The following DCLK2 variants were observed in gnomAD, a reference collection of about 807,000 sequenced individuals.
The protein encoded by DCLK2 is serine/threonine-protein kinase DCLK2.
In DCLK2, 31 loss-of-function variants were observed where a neutral mutation model predicts 78.4. The ratio of observed to expected loss-of-function variants is 0.40; its 90% CI spans 0.30 to 0.53. The LOEUF (loss-of-function observed/expected upper bound fraction) is 0.53. DCLK2 is among the 20% of genes least tolerant of loss of function. DCLK2 has a pLI of 0.61. For missense variants in DCLK2, 872 were observed against 973.7 expected (o/e 0.90, Z 1.39); for synonymous variants, 407 against 374.9 (o/e 1.09, Z -0.99).
At chr4:150,098,698 CT>C (rs59616581) in intron 1 of DCLK2, among the ~76,000 whole-genome samples, 40,545 of 128,728 alleles carry the variant, frequency 0.31, 5,554 homozygotes, top group Non-Finnish European at 0.37. Context: ...TTTTCTTTTT[CT>C]TTTTTTTTTT....
At chr4:150,184,694 TG>T (rs1433878957) in intron 2 of DCLK2, among the ~76,000 whole-genome samples, 1 of 151,424 alleles carries the variant, frequency 6.6e-6, no homozygotes, top group Non-Finnish European at 1.5e-5. Context: ...CTCGACCTCC[TG>T]GGTTCACGCC....
rs1212886097 is a variant in DCLK2 at position 150,175,028 on chromosome 4, ATATATTTATATATATTTATATATT to A, written c.757-18104_757-18081del. Among the ~76,000 whole-genome samples the A allele has an allele frequency of 2.4e-4, 13 of 54,722 alleles. 1 individual carries two copies. Among genetic ancestry groups the A allele is most frequent in the East Asian group, 1.1e-3 (3 of 2,724 alleles). The allele number at this position is 54,722 out of a possible 152,430, so 35.9% of individuals were successfully genotyped here. ...AAAAAAAAAATATATATATATATATATATATTTATATATATTTATATATTTATATATATATTTATATATATTTAT... is the reference window on the plus strand; with the variant it reads ...AAAAAAAAAATATATATATATATATATATATATATATTTATATATATTTAT... On this transcript the variant is annotated intron_variant, in intron 2 of 15. Transcript: ENST00000296550.
chr4:150,190,206 TATAG>T (rs1308008374), intron 2 of DCLK2, among the ~76,000 whole-genome samples: 3 of 98,732 alleles, frequency 3.0e-5, no homozygotes, highest in African/African-American at 5.9e-5. Context: ...CCTGGATAGA[TATAG>T]ATAGATAGAT....
intron 1 of DCLK2, among the ~76,000 whole-genome samples, chr4:150,088,989 G>T (rs1460351336): frequency 6.6e-6 from 1 of 152,150 alleles, no homozygotes; most frequent in Non-Finnish European, 1.5e-5. Context: ...TCACTGTTTT[G>T]CTTTGTTGCT....
At chr4:150,198,911 C>CCT (rs1739257267) in intron 4 of DCLK2, 3 of 144,778 alleles carry the variant, frequency 2.1e-5, no homozygotes, top group Non-Finnish European at 2.2e-5. Context: ...CCTTTCAGCA[C>CCT]CCCCCCCCCC....
At chr4:150,221,810 A>C in intron 7 of DCLK2, 25 bp downstream of exon 7, 2 of 1,324,550 alleles carry the variant, frequency 1.5e-6, no homozygotes, top group East Asian at 2.5e-5. Flanking sequence ...AGGATAATTA[A>C]TGAATAATGA....
intron 1 of DCLK2, among the ~76,000 whole-genome samples, chr4:150,095,693 C>T (rs541270673): frequency 6.6e-6 from 1 of 152,264 alleles, no homozygotes; most frequent in South Asian, 2.1e-4. Flanking sequence ...ATAATGCCAA[C>T]CTAAGTGATT....
intron 5 of DCLK2, among the ~76,000 whole-genome samples, chr4:150,204,154 G>A (rs1315621780): frequency 6.6e-6 from 1 of 152,140 alleles, no homozygotes; most frequent in Non-Finnish European, 1.5e-5. Context: ...ACATAATGTG[G>A]TAAAGTATAA....
chr4:150,232,755 A>G lies in DCLK2; in HGVS notation c.1493A>G (p.Asn498Ser), dbSNP rs1395271464. 1 of 1,614,172 alleles carries G rather than the reference A, an allele frequency of 6.2e-7. No homozygotes were observed. The highest frequency in any genetic ancestry group is 8.5e-7 in the Non-Finnish European group (1 of 1,180,016). ...AGAGATGGCAGTGCCATGGTGTACA[A>G]CTTAGCCAATGCCCTCAGGTATCTC... ...TERDGSAMVYNLANALRYLHG... is the reference protein window; with the variant it reads ...TERDGSAMVYSLANALRYLHG... Residue 498 changes from asparagine (N) to serine (S), a missense_variant, in exon 10 of 16, where the codon AAC becomes AGC. Asn to Ser is a conservative substitution (Grantham distance 46). This residue lies in a region of DCLK2 where 86 missense variants were observed against 150.3 expected (regional missense o/e 0.57). Coordinates refer to ENST00000296550, the MANE Select transcript of DCLK2 (RefSeq NM_001040260.4).
chr4:150,093,440 G>A (rs1730233392), intron 1 of DCLK2, among the ~76,000 whole-genome samples: 2 of 152,166 alleles, frequency 1.3e-5, no homozygotes, highest in Non-Finnish European at 2.9e-5. Context: ...GGAGTGCAGT[G>A]GTGCCATCTT....
intron 15 of DCLK2, among the ~76,000 whole-genome samples, chr4:150,252,463 T>G (rs1385286710): frequency 6.6e-6 from 1 of 152,094 alleles, no homozygotes; most frequent in Non-Finnish European, 1.5e-5. Context: ...TGGGGTCACT[T>G]TTTGACTCAG....
chr4:150,180,956 G>C (rs575663249), intron 2 of DCLK2, among the ~76,000 whole-genome samples: 1 of 152,264 alleles, frequency 6.6e-6, no homozygotes, highest in African/African-American at 2.4e-5. Context: ...CCAAACCCAG[G>C]AGGAGGGACT....
At chr4:150,101,262 A>G (rs1384086184) in intron 1 of DCLK2, among the ~76,000 whole-genome samples, 2 of 152,146 alleles carry the variant, frequency 1.3e-5, no homozygotes, top group Admixed American at 6.6e-5. Context: ...AAATAAATAA[A>G]TTAATTAAAT....
chr4:150,136,611 GAA>G (rs1243037197), intron 2 of DCLK2, among the ~76,000 whole-genome samples: 2 of 152,218 alleles, frequency 1.3e-5, no homozygotes, highest in Non-Finnish European at 2.9e-5. Flanking sequence ...TAACTCTGAG[GAA>G]ATGAGATATG....
At chr4:150,097,388 C>G (rs1239466937) in intron 1 of DCLK2, among the ~76,000 whole-genome samples, 1 of 151,938 alleles carries the variant, frequency 6.6e-6, no homozygotes, top group Non-Finnish European at 1.5e-5. Flanking sequence ...GCCTGGAACT[C>G]CTGGCCTGAA....
At chr4:150,229,012 A>C (rs1741830227) in intron 8 of DCLK2, among the ~76,000 whole-genome samples, 1 of 150,966 alleles carries the variant, frequency 6.6e-6, no homozygotes, top group South Asian at 2.1e-4. Flanking sequence ...CGGCCTGGGC[A>C]ACAGAGCGAG....
chr4:150,253,058 T>A (rs189965785), intron 15 of DCLK2, among the ~76,000 whole-genome samples: 2 of 152,144 alleles, frequency 1.3e-5, no homozygotes, highest in East Asian at 1.9e-4. Context: ...GAACTTGCGA[T>A]GCTGCTGTAT....
intron 2 of DCLK2, among the ~76,000 whole-genome samples, chr4:150,149,220 T>C (rs1270400531): frequency 6.6e-6 from 1 of 152,140 alleles, no homozygotes; most frequent in Admixed American, 6.6e-5. Context: ...AACATTTAAT[T>C]CAGTAGCAGT....
At chr4:150,219,913 A>G (rs1741048651) in intron 5 of DCLK2, among the ~76,000 whole-genome samples, 1 of 152,192 alleles carries the variant, frequency 6.6e-6, no homozygotes, top group African/African-American at 2.4e-5. Context: ...TTATGTTGGT[A>G]ACAAAGACAC....
Sources: gnomAD v4.1 joint callset for allele counts (sites outside exome capture counted in the v4.1 genomes callset) on GRCh38, gnomAD v4.1.1 for gene constraint, gnomAD v4.1.1 regional missense constraint, MANE v1.5 for transcripts, NCBI Gene and HGNC (gene_info 2026-07-23, HGNC 2026-07-21) for gene names.